SLC6A15: variants seen among roughly 807,000 people sequenced by gnomAD.
The protein encoded by SLC6A15 is solute carrier family 6 member 15.
Under a neutral mutation model 68.5 loss-of-function variants are expected in SLC6A15, and 33 were observed. That is an observed-to-expected ratio of 0.48 (90% CI 0.37 to 0.64). SLC6A15 has a LOEUF of 0.64. Ranked by LOEUF, SLC6A15 falls within the 30% of genes least tolerant of loss-of-function variation. The pLI, the probability that SLC6A15 is intolerant of heterozygous loss-of-function variation, is 0.00. For synonymous variants in SLC6A15, 347 were observed against 301.0 expected (o/e 1.15, Z -1.58); for missense variants, 747 against 874.3 (o/e 0.85, Z 1.84).
At chr12:84,883,086 C>A in intron 5 of SLC6A15, 1 of 978,520 alleles carries the variant, frequency 1.0e-6, no homozygotes, top group South Asian at 4.7e-5. Context: ...GAAGAGCCAA[C>A]AGTAAATTCT....
chr12:84,873,407 A>G, intron 6 of SLC6A15, 79 bp from the exon 7 acceptor site: 1 of 1,505,704 alleles, frequency 6.6e-7, no homozygotes, highest in Non-Finnish European at 9.0e-7. Context: ...TTTACTGTTT[A>G]TGGAGTATAC....
Position 84,886,078 on chromosome 12 carries a change from C to T in SLC6A15, c.290-10G>A. 1.3e-6 allele frequency: 2 copies of T among 1,544,802 alleles called. No homozygotes were observed. The highest frequency in any genetic ancestry group is 1.4e-5 in the African/African-American group (1 of 72,394). On this transcript the variant is annotated splice_polypyrimidine_tract_variant and intron_variant, in intron 2 of 11. Transcript: ENST00000266682. ...GGTAAAAGATATGCACCTAAAGAAA[C>T]AACAACAAAAAATAGATTATATTTT...
chr12:84,870,813 T>C, intron 8 of SLC6A15, 143 bp from the exon 9 acceptor site: 1 of 482,344 alleles, frequency 2.1e-6, no homozygotes, highest in Non-Finnish European at 3.6e-6. Context: ...GCTCTTAACC[T>C]GATAAATCAT....
intron 5 of SLC6A15, chr12:84,881,353 C>T: frequency 3.3e-6 from 2 of 612,882 alleles, no homozygotes; most frequent in Non-Finnish European, 4.1e-6. Context: ...CTCCATAATA[C>T]CCACTATTTG....
In SLC6A15 at chr12:84,892,155, A is replaced by C. The variant is rs1872434617; in HGVS notation, c.-35T>G. 6.5e-7 allele frequency: 1 copy of C among 1,544,424 alleles called. No individual in the cohort carries two copies. The highest frequency in any genetic ancestry group is 8.7e-7 in the Non-Finnish European group (1 of 1,150,856). On this transcript the variant is annotated 5_prime_UTR_variant, in exon 2 of 12. Coordinates refer to ENST00000266682, the MANE Select transcript of SLC6A15 (RefSeq NM_182767.6). ...TGCGAAGTATTTAAAAAAAAAAAAA[A>C]AAACTCCCTTATGGCAAATGTGTTA... is the stretch of plus-strand genomic sequence containing the variant.
At chr12:84,863,644 T>G in intron 10 of SLC6A15, 43 bp from the exon 11 acceptor site, 1 of 1,374,386 alleles carries the variant, frequency 7.3e-7, no homozygotes, top group Non-Finnish European at 9.6e-7. Flanking sequence ...AATTTAATAT[T>G]GCTAAACCTT....
intron 5 of SLC6A15, among the ~76,000 whole-genome samples, chr12:84,880,508 T>C (rs369327387): frequency 5.9e-5 from 9 of 152,222 alleles, no homozygotes; most frequent in East Asian, 1.9e-4. Flanking sequence ...GGAAACTCCA[T>C]GAGGACAGGC....
chr12:84,902,499 A>G (rs1451905007), intron 1 of SLC6A15, among the ~76,000 whole-genome samples: 1 of 151,450 alleles, frequency 6.6e-6, no homozygotes, highest in East Asian at 1.9e-4. Flanking sequence ...ACTATATTTC[A>G]GAGATATATC....
At chr12:84,904,368 C>T (rs2120730877) in intron 1 of SLC6A15, among the ~76,000 whole-genome samples, 1 of 152,166 alleles carries the variant, frequency 6.6e-6, no homozygotes, top group East Asian at 1.9e-4. Flanking sequence ...ATGAACCACC[C>T]AAATGAGCCC....
chr12:84,906,709 G>A (rs1347815471), intron 1 of SLC6A15, among the ~76,000 whole-genome samples: 5 of 152,084 alleles, frequency 3.3e-5, no homozygotes, highest in Non-Finnish European at 5.9e-5. Flanking sequence ...CAAATTGTTC[G>A]GGAAATAATT....
chr12:84,903,730 T>C (rs1164348112), intron 1 of SLC6A15, among the ~76,000 whole-genome samples: 1 of 152,138 alleles, frequency 6.6e-6, no homozygotes, highest in Admixed American at 6.6e-5. Flanking sequence ...CCTATAAGGA[T>C]GCTTGTCATG....
intron 11 of SLC6A15, among the ~76,000 whole-genome samples, 173 bp downstream of exon 11, chr12:84,863,266 A>T (rs997937579): frequency 2.1e-5 from 3 of 145,328 alleles, no homozygotes; most frequent in Admixed American, 1.4e-4. Flanking sequence ...CAATGTATTT[A>T]AAAAATCACA....
chr12:84,878,703 A>G (rs1423668920), intron 5 of SLC6A15, among the ~76,000 whole-genome samples: 1 of 152,100 alleles, frequency 6.6e-6, no homozygotes, highest in Non-Finnish European at 1.5e-5. Context: ...GGTACTAAGA[A>G]AAGATTCTTC....
intron 5 of SLC6A15, chr12:84,882,953 C>A: frequency 1.1e-6 from 1 of 874,480 alleles, no homozygotes; most frequent in Non-Finnish European, 1.4e-6. Flanking sequence ...ACTATTGCTG[C>A]TGCTACTACT....
At chr12:84,889,533 T>TA (rs879732140) in intron 2 of SLC6A15, among the ~76,000 whole-genome samples, 25 of 150,912 alleles carry the variant, frequency 1.7e-4, no homozygotes, top group South Asian at 1.3e-3. Flanking sequence ...AAAATAAAAA[T>TA]AAAAAAAACA....
chr12:84,890,621 G>T (rs1473250939), intron 2 of SLC6A15, among the ~76,000 whole-genome samples: 1 of 152,084 alleles, frequency 6.6e-6, no homozygotes, highest in Non-Finnish European at 1.5e-5. Context: ...TTTGCCAAAT[G>T]GACTACTTTT....
chr12:84,903,603 C>T (rs1330238453), intron 1 of SLC6A15, among the ~76,000 whole-genome samples: 1 of 152,066 alleles, frequency 6.6e-6, no homozygotes, highest in Non-Finnish European at 1.5e-5. Context: ...CTTGCCTTCT[C>T]CAGTTTCTGG....
chr12:84,870,275 T>C (rs1000443035), intron 9 of SLC6A15, among the ~76,000 whole-genome samples: 1 of 149,840 alleles, frequency 6.7e-6, no homozygotes, highest in African/African-American at 2.4e-5. Context: ...TATTAAAACA[T>C]CCATATTATA....
At chr12:84,869,226 A>G (rs561717979) in intron 9 of SLC6A15, among the ~76,000 whole-genome samples, 39 of 152,134 alleles carry the variant, frequency 2.6e-4, no homozygotes, top group Admixed American at 9.2e-4. Flanking sequence ...TTGGGAGGCC[A>G]AGGCGGGCGG....
Sources: gnomAD v4.1 joint callset for allele counts (sites outside exome capture counted in the v4.1 genomes callset) on GRCh38, gnomAD v4.1.1 for gene constraint, MANE v1.5 for transcripts, NCBI Gene and HGNC (gene_info 2026-07-23, HGNC 2026-07-21) for gene names.